PNPLA1: variants seen among roughly 807,000 people sequenced by gnomAD.
The protein encoded by PNPLA1 is patatin like domain 1, omega-hydroxyceramide transacylase, also known as omega-hydroxyceramide transacylase.
In PNPLA1, 36 loss-of-function variants were observed where a neutral mutation model predicts 51.7. The observed-to-expected ratio is 0.70, with a 90% CI of 0.53 to 0.92. The LOEUF (loss-of-function observed/expected upper bound fraction) is 0.92. Ranked by LOEUF, PNPLA1 falls within the 40% of genes least tolerant of loss-of-function variation. The pLI is 0.00. For missense variants in PNPLA1, 658 were observed against 682.5 expected, an observed-to-expected ratio of 0.96 and a Z score of 0.40; for synonymous variants, 293 against 280.1, an observed-to-expected ratio of 1.05 and a Z score of -0.46.
At chr6:36,247,255 C>T (rs1769311376) in intron 1 of PNPLA1, among the ~76,000 whole-genome samples, 1 of 152,210 alleles carries the variant, frequency 6.6e-6, no homozygotes, top group Non-Finnish European at 1.5e-5. Flanking sequence ...TTTCAAATCC[C>T]TACTCCCTCC....
intron 1 of PNPLA1, among the ~76,000 whole-genome samples, chr6:36,259,641 A>G (rs181317719): frequency 7.9e-5 from 12 of 152,308 alleles, no homozygotes; most frequent in Admixed American, 5.2e-4. Context: ...AATGAACATT[A>G]ATACTATACA....
At chr6:36,252,307 A>T (rs1304132018) in intron 1 of PNPLA1, among the ~76,000 whole-genome samples, 1 of 152,166 alleles carries the variant, frequency 6.6e-6, no homozygotes, top group African/African-American at 2.4e-5. Context: ...TAGTCTTGTC[A>T]TGTAATCCAC....
At chr6:36,260,916 C>T (rs1769633227) in intron 1 of PNPLA1, among the ~76,000 whole-genome samples, 1 of 152,138 alleles carries the variant, frequency 6.6e-6, no homozygotes, top group South Asian at 2.1e-4. Context: ...CTTGACCTCC[C>T]AGGCTCAAGC....
rs993384556 is a variant in PNPLA1 at position 36,313,714 on chromosome 6, C to T, written c.*1828C>T. Among the ~76,000 whole-genome samples the T allele has an allele frequency of 4.6e-5, 7 of 152,224 alleles. No homozygotes were observed. The highest frequency in any genetic ancestry group is 7.2e-5 in the African/African-American group (3 of 41,454). The stretch of plus-strand genomic sequence containing the variant: ...GGGAGACTGACTAGAGAGGCCCGCC[C>T]GGCCGCAGGCCTTTCTTCCAGGAGT... On this transcript the variant is annotated 3_prime_UTR_variant, in exon 9 of 9. Transcript: ENST00000636260.
intron 1 of PNPLA1, among the ~76,000 whole-genome samples, chr6:36,286,985 A>G (rs1278366769): frequency 6.6e-6 from 1 of 152,038 alleles, no homozygotes; most frequent in Non-Finnish European, 1.5e-5. Flanking sequence ...CACACCCAGC[A>G]TTGACCCAGC....
chr6:36,274,850 C>T lies in PNPLA1; in HGVS notation c.205+4186C>T, dbSNP rs1056912932. 3.2e-4 allele frequency among the ~76,000 whole-genome samples: 48 copies of T among 152,180 alleles called. 1 individual carries two copies. Among genetic ancestry groups the T allele is most frequent in the Admixed American group, 2.9e-3 (45 of 15,276 alleles). The stretch of plus-strand genomic sequence containing the variant: ...TAGACGTTTCCTCTTCTGTACTGTG[C>T]CTGCTCACCACCTTTCCCTGTTTTT... On this transcript the variant is annotated intron_variant, in intron 1 of 8. Coordinates refer to ENST00000636260, the MANE Select transcript of PNPLA1 (RefSeq NM_001374623.1).
chr6:36,259,443 A>T (rs574311158), intron 1 of PNPLA1, among the ~76,000 whole-genome samples: 6 of 152,196 alleles, frequency 3.9e-5, no homozygotes, highest in Non-Finnish European at 7.3e-5. Flanking sequence ...AGTAAAGACT[A>T]TTTTGAAAAA....
intron 1 of PNPLA1, among the ~76,000 whole-genome samples, chr6:36,253,375 T>C (rs1769463124): frequency 6.6e-6 from 1 of 152,252 alleles, no homozygotes. Context: ...TGAGCTCTTT[T>C]GTTTAGAGGT....
intron 1 of PNPLA1, among the ~76,000 whole-genome samples, chr6:36,248,762 G>A (rs953998607): frequency 2.0e-5 from 3 of 152,076 alleles, no homozygotes; most frequent in Admixed American, 6.5e-5. Flanking sequence ...CAGGTGATCC[G>A]CCCACGTCAG....
intron 6 of PNPLA1, among the ~76,000 whole-genome samples, chr6:36,303,036 C>A (rs1771116620): frequency 1.3e-5 from 2 of 152,160 alleles, no homozygotes; most frequent in African/African-American, 4.8e-5. Flanking sequence ...GGAGCTTGAC[C>A]ATTTTTTACT....
chr6:36,302,646 C>T (rs147684964), intron 6 of PNPLA1, among the ~76,000 whole-genome samples, 177 bp downstream of exon 6: 46 of 152,334 alleles, frequency 3.0e-4, no homozygotes, highest in Admixed American at 1.2e-3. Flanking sequence ...GTGTAATAGA[C>T]ATTGGTTCAT....
In PNPLA1 at chr6:36,291,595, G is replaced by T. The variant is rs550453913; in HGVS notation, c.438+43G>T. Reference sequence around the variant, plus strand: ...GGAGGGAGGGACACGGAGGGGGCGGGGGAGGGCGGCTCCTGCTCTTTCTCC... The same window carrying T: ...GGAGGGAGGGACACGGAGGGGGCGGTGGAGGGCGGCTCCTGCTCTTTCTCC... On this transcript the variant is annotated intron_variant, in intron 2 of 8. Transcript: ENST00000636260. The T allele has an allele frequency of 2.0e-5, 24 of 1,196,482 alleles. 1 individual carries two copies. The highest frequency in any genetic ancestry group is 2.8e-5 in the Non-Finnish European group (24 of 849,922). 74.1% of individuals were successfully genotyped at this position (1,196,482 alleles called of 1,614,324 possible). A position where few individuals can be genotyped will look rare whatever the true frequency, so the allele number is the denominator to read the frequency against.
chr6:36,307,834 C>T, intron 8 of PNPLA1, 122 bp downstream of exon 8: 2 of 1,295,312 alleles, frequency 1.5e-6, no homozygotes, highest in Non-Finnish European at 2.1e-6. Flanking sequence ...GGAGATTGGG[C>T]TTTGGAACAG....
intron 1 of PNPLA1, among the ~76,000 whole-genome samples, chr6:36,262,059 T>G (rs1157067552): frequency 6.6e-6 from 1 of 152,184 alleles, no homozygotes; most frequent in Non-Finnish European, 1.5e-5. Context: ...GGATTCTCCT[T>G]CTCCACTGGG....
chr6:36,261,835 C>G (rs1173188155), intron 1 of PNPLA1, among the ~76,000 whole-genome samples: 1 of 152,172 alleles, frequency 6.6e-6, no homozygotes, highest in African/African-American at 2.4e-5. Context: ...CCCTAAGTGG[C>G]CATACTGTAC....
intron 1 of PNPLA1, among the ~76,000 whole-genome samples, chr6:36,282,088 A>AGAAAGAAGGAAGGAAGGAAG (rs1554136580): frequency 4.0e-5 from 4 of 98,838 alleles, no homozygotes; most frequent in Admixed American, 1.0e-4. Context: ...AAAGAAAGAA[A>AGAAAGAAGGAAGGAAGGAAG]GAAGGAAGGA....
At chr6:36,305,018 A>G (rs182331649) in intron 6 of PNPLA1, among the ~76,000 whole-genome samples, 1 of 152,298 alleles carries the variant, frequency 6.6e-6, no homozygotes, top group Non-Finnish European at 1.5e-5. Flanking sequence ...TTGAGAAGCC[A>G]TGTTATAGCT....
At chr6:36,302,982 C>CATTT (rs1281208084) in intron 6 of PNPLA1, among the ~76,000 whole-genome samples, 1 of 152,202 alleles carries the variant, frequency 6.6e-6, no homozygotes, top group African/African-American at 2.4e-5. Flanking sequence ...TAAGAGTAAT[C>CATTT]ATTTAGAAAC....
At position 36,295,448 on chromosome 6, in the gene PNPLA1, T is replaced by A. The variant is rs1447292901; in HGVS notation, c.775+24T>A. ...GAGTAAGTACCGGTGGGGCCCCAGG[T>A]AAGGGCAGTGTTGGAGGGTAGGGAA... On this transcript the variant is annotated intron_variant, in intron 5 of 8. Coordinates refer to ENST00000636260, the MANE Select transcript of PNPLA1 (RefSeq NM_001374623.1). The A allele has an allele frequency of 2.5e-6, 4 of 1,611,228 alleles. No homozygotes were observed. The African/African-American group carries it at 5.4e-5, about 22-fold the overall frequency.
Sources: gnomAD v4.1 joint callset for allele counts (sites outside exome capture counted in the v4.1 genomes callset) on GRCh38, gnomAD v4.1.1 for gene constraint, MANE v1.5 for transcripts, NCBI Gene and HGNC (gene_info 2026-07-23, HGNC 2026-07-21) for gene names.